ADGRG5: variants seen among roughly 807,000 people sequenced by gnomAD.
ADGRG5 encodes the protein adhesion G protein-coupled receptor G5.
In ADGRG5, 37 loss-of-function variants were observed where a neutral mutation model predicts 53.2. The observed-to-expected ratio is 0.70, with a 90% CI of 0.53 to 0.91. The LOEUF (loss-of-function observed/expected upper bound fraction) is 0.91, where lower values mean the gene tolerates loss of function less well. ADGRG5 is among the 40% of genes least tolerant of loss of function. The pLI is 0.00. For missense variants in ADGRG5, 614 were observed against 675.8 expected, an observed-to-expected ratio of 0.91 and a Z score of 1.01; for synonymous variants, 277 against 290.4, an observed-to-expected ratio of 0.95 and a Z score of 0.47.
At chr16:57,551,058 TA>T (rs1158431544) in intron 1 of ADGRG5, among the ~76,000 whole-genome samples, 1 of 152,128 alleles carries the variant, frequency 6.6e-6, no homozygotes, top group Non-Finnish European at 1.5e-5. Context: ...ATGTTTACAT[TA>T]TACTGTAGTC....
the ADGRG5 span, among the ~76,000 whole-genome samples, chr16:57,529,729 C>T: frequency 6.6e-6 from 1 of 152,158 alleles, no homozygotes; most frequent in Non-Finnish European, 1.5e-5. This position sits in a 1 kb window ranked among gnomAD's most constrained non-coding sequence, Gnocchi z 4.1. Context: ...TCTGAGGTAT[C>T]ACTTCCTCCT....
In ADGRG5 at chr16:57,565,328, T is replaced by G; in HGVS notation, c.546+178T>G. 6.4e-6 allele frequency: 4 copies of G among 620,372 alleles called. No homozygotes were observed. The South Asian group carries it at 8.0e-5, about 12-fold the overall frequency. 38.4% of individuals were successfully genotyped at this position (620,372 alleles called of 1,614,324 possible). A position where few individuals can be genotyped will look rare whatever the true frequency, so the allele number is the denominator to read the frequency against. ...GTTTTTACTCATGCATTTGTCAGAA[T>G]TCTTTCAGTTGCAAGTAAGAAAAGA... On this transcript the variant is annotated intron_variant, in intron 6 of 11. Transcript: ENST00000349457.
intron 5 of ADGRG5, 36 bp downstream of exon 5, chr16:57,564,015 G>A (rs752118180): frequency 1.0e-5 from 16 of 1,593,856 alleles, no homozygotes; most frequent in African/African-American, 1.3e-5. Context: ...GGTGGGTGCC[G>A]GCCCCTTCTT....
chr16:57,570,964 T>G (rs1567625438), intron 10 of ADGRG5, among the ~76,000 whole-genome samples: 2 of 151,876 alleles, frequency 1.3e-5, no homozygotes, highest in Admixed American at 6.6e-5. Context: ...GTCCTCCTAG[T>G]CGGACAAGAG....
At position 57,567,721 on chromosome 16, in the gene ADGRG5, T is replaced by TTG. The variant is rs2033175729; in HGVS notation, c.822-132_822-131dup. ...GGGACCAGGAGGCGGGAGACCAGCC[T>TTG]TGTGGTGCGACTGCTGTGGGATCCC... On this transcript the variant is annotated intron_variant, in intron 8 of 11. Coordinates refer to ENST00000349457, the MANE Select transcript of ADGRG5 (RefSeq NM_001304376.3). The TTG allele has an allele frequency of 7.8e-6, 11 of 1,418,558 alleles. No individual in the cohort carries two copies. The East Asian group carries it at 2.6e-4, about 34-fold the overall frequency. 87.9% of individuals were successfully genotyped at this position (1,418,558 alleles called of 1,614,324 possible).
the ADGRG5 span, among the ~76,000 whole-genome samples, chr16:57,531,950 C>T: frequency 2.6e-5 from 4 of 152,316 alleles, no homozygotes; most frequent in Middle Eastern, 3.4e-3. Flanking sequence ...AAGGTTCCTC[C>T]GTGCTGCTCA....
At chr16:57,554,844 C>T (rs1455652045) in intron 1 of ADGRG5, among the ~76,000 whole-genome samples, 10 of 152,144 alleles carry the variant, frequency 6.6e-5, no homozygotes, top group Admixed American at 6.5e-4. Flanking sequence ...TTAGCTGCAT[C>T]CCATAAATAT....
At chr16:57,535,953 A>G in the ADGRG5 span, among the ~76,000 whole-genome samples, 2 of 151,978 alleles carry the variant, frequency 1.3e-5, no homozygotes, top group Non-Finnish European at 2.9e-5. Flanking sequence ...CTTAGTCCTC[A>G]CTTAGTCGAC....
the ADGRG5 span, among the ~76,000 whole-genome samples, chr16:57,529,599 T>C: frequency 2.0e-5 from 3 of 152,200 alleles, no homozygotes; most frequent in Non-Finnish European, 4.4e-5. This position sits in a 1 kb window ranked among gnomAD's most constrained non-coding sequence, Gnocchi z 4.1. Context: ...CACTGATGGC[T>C]TATACTATAC....
At chr16:57,563,744 G>A in intron 4 of ADGRG5, 104 bp from the exon 5 acceptor site, 1 of 1,446,240 alleles carries the variant, frequency 6.9e-7, no homozygotes, top group Non-Finnish European at 9.6e-7. Context: ...TTCTGTGGGT[G>A]GAAACCCCAA....
chr16:57,535,514 C>T, the ADGRG5 span, among the ~76,000 whole-genome samples: 1 of 152,046 alleles, frequency 6.6e-6, no homozygotes, highest in Non-Finnish European at 1.5e-5. Flanking sequence ...TCTTAGCCAC[C>T]TGAGGGGCAC....
chr16:57,558,707 T>C (rs1477241237), intron 1 of ADGRG5, among the ~76,000 whole-genome samples: 3 of 152,138 alleles, frequency 2.0e-5, no homozygotes, highest in African/African-American at 7.2e-5. Flanking sequence ...TCTGCCTTAT[T>C]GGTTGGGGGA....
At chr16:57,535,358 G>C in the ADGRG5 span, among the ~76,000 whole-genome samples, 4 of 152,170 alleles carry the variant, frequency 2.6e-5, no homozygotes, top group African/African-American at 9.7e-5. Flanking sequence ...GAGCCACAGA[G>C]ACAGCCTGGA....
At chr16:57,545,935 C>T (rs1378730728) in intron 1 of ADGRG5, among the ~76,000 whole-genome samples, 2 of 152,140 alleles carry the variant, frequency 1.3e-5, no homozygotes, top group African/African-American at 2.4e-5. Context: ...AAACGATTCT[C>T]CTGGCTCAGC....
At chr16:57,558,036 G>T (rs1317158083) in intron 1 of ADGRG5, among the ~76,000 whole-genome samples, 2 of 152,220 alleles carry the variant, frequency 1.3e-5, no homozygotes, top group African/African-American at 4.8e-5. Context: ...TAAAGTAAAT[G>T]ATATTTATGC....
chr16:57,552,620 T>G (rs2032780974), intron 1 of ADGRG5, among the ~76,000 whole-genome samples: 1 of 152,202 alleles, frequency 6.6e-6, no homozygotes, highest in Admixed American at 6.5e-5. Flanking sequence ...CGGGGGCTGG[T>G]TTGATCTTCT....
chr16:57,570,594 C>G (rs2033326071), intron 10 of ADGRG5, 59 bp downstream of exon 10: 8 of 1,214,538 alleles, frequency 6.6e-6, no homozygotes, highest in Non-Finnish European at 7.3e-6. Context: ...CCACATGGGC[C>G]TGGGGCTCCA....
At chr16:57,552,028 C>CTATTTT (rs199998031) in intron 1 of ADGRG5, among the ~76,000 whole-genome samples, 1 of 146,210 alleles carries the variant, frequency 6.8e-6, no homozygotes. Context: ...TGAAATAAAT[C>CTATTTT]TTTTTTTTTT....
At chr16:57,551,804 C>A (rs2032760381) in intron 1 of ADGRG5, among the ~76,000 whole-genome samples, 1 of 152,168 alleles carries the variant, frequency 6.6e-6, no homozygotes, top group Admixed American at 6.5e-5. Flanking sequence ...ATTTACTTTG[C>A]CCTGATCCAT....
Sources: allele counts gnomAD v4.1 joint callset (sites outside exome capture counted in the v4.1 genomes callset), GRCh38; gene constraint gnomAD v4.1.1; non-coding constraint Gnocchi (gnomAD v3.1); transcripts MANE v1.5; gene names NCBI Gene and HGNC (gene_info 2026-07-23, HGNC 2026-07-21).